ANXA3: variants seen among roughly 807,000 people sequenced by gnomAD.
ANXA3 encodes annexin A3.
A neutral mutation model predicts 48.8 loss-of-function variants in ANXA3; 46 were observed. That is an observed-to-expected ratio of 0.94 (90% CI 0.74 to 1.21). The LOEUF (loss-of-function observed/expected upper bound fraction) is 1.21. ANXA3 is among the 50% of genes most tolerant of loss of function. The pLI is 0.00. For missense variants in ANXA3, 383 were observed against 378.6 expected (o/e 1.01, Z -0.10); for synonymous variants, 128 against 134.7 (o/e 0.95, Z 0.35).
chr4:78,604,961 A>G (rs1723618692), intron 12 of ANXA3, among the ~76,000 whole-genome samples: 1 of 152,360 alleles, frequency 6.6e-6, no homozygotes, highest in Admixed American at 6.5e-5. Context: ...GTACGAGTGT[A>G]TCTTTGGGAT....
chr4:78,555,608 A>G (rs1722494045), intron 2 of ANXA3, among the ~76,000 whole-genome samples: 1 of 151,614 alleles, frequency 6.6e-6, no homozygotes, highest in African/African-American at 2.4e-5. Flanking sequence ...GGAGGCCAAG[A>G]TGGGAGGATC....
At chr4:78,574,431 A>T (rs1348969337) in intron 3 of ANXA3, among the ~76,000 whole-genome samples, 1 of 152,090 alleles carries the variant, frequency 6.6e-6, no homozygotes, top group Non-Finnish European at 1.5e-5. Flanking sequence ...AAAACAAAAC[A>T]ACAACAACAA....
chr4:78,595,150 A>T (rs1723391294), intron 7 of ANXA3, among the ~76,000 whole-genome samples: 1 of 152,102 alleles, frequency 6.6e-6, no homozygotes, highest in East Asian at 1.9e-4. Flanking sequence ...AAATATATAT[A>T]TATATGAATT....
intron 7 of ANXA3, among the ~76,000 whole-genome samples, chr4:78,594,587 T>C (rs1406237890): frequency 6.6e-6 from 1 of 152,234 alleles, no homozygotes; most frequent in African/African-American, 2.4e-5. Context: ...TCTAATAGGT[T>C]GTGTAGTGGC....
intron 7 of ANXA3, among the ~76,000 whole-genome samples, chr4:78,593,774 C>G (rs7686951): frequency 0.084 from 12,248 of 146,550 alleles, 815 homozygotes; most frequent in East Asian, 0.27. Flanking sequence ...GTAACTGGGA[C>G]CACAGGTGTA....
chr4:78,584,731 G>A (rs1182996809), intron 5 of ANXA3, among the ~76,000 whole-genome samples: 3 of 152,188 alleles, frequency 2.0e-5, no homozygotes, highest in Admixed American at 1.3e-4. Flanking sequence ...GAGGACATAT[G>A]GGCATCTGAG....
intron 4 of ANXA3, 117 bp from the exon 5 acceptor site, chr4:78,582,060 C>A: frequency 1.6e-6 from 1 of 619,102 alleles, no homozygotes; most frequent in Non-Finnish European, 2.9e-6. Flanking sequence ...CTGTTTATTC[C>A]CTGTGGATGG....
In ANXA3 at chr4:78,610,316, G is replaced by A; in HGVS notation, c.*201G>A. On this transcript the variant is annotated 3_prime_UTR_variant, in exon 13 of 13. Transcript: ENST00000264908. The stretch of plus-strand genomic sequence containing the variant: ...ATTTATAATGTAGCAGCTCATAAAT[G>A]AAATTGAAAATGGTATTAAAGATCT... 1 of 387,656 alleles carries A rather than the reference G, an allele frequency of 2.6e-6. No individual in the cohort carries two copies. The highest frequency in any genetic ancestry group is 4.6e-6 in the Non-Finnish European group (1 of 216,846). The allele number at this position is 387,656 out of a possible 1,614,324, so 24.0% of individuals were successfully genotyped here.
Position 78,610,159 on chromosome 4 carries a change from C to A in ANXA3, c.*44C>A. The A allele has an allele frequency of 7.2e-7, 1 of 1,382,066 alleles. No homozygotes were observed. Among genetic ancestry groups the A allele is most frequent in the Non-Finnish European group, 1.0e-6 (1 of 977,772 alleles). The allele number at this position is 1,382,066 out of a possible 1,614,324, so 85.6% of individuals were successfully genotyped here. On this transcript the variant is annotated 3_prime_UTR_variant, in exon 13 of 13. Transcript: ENST00000264908. Reference sequence around the variant, plus strand: ...AAAGGTCCACGATGGGCTTTCCCAACAGCTCCACCTTACTTCTTCTCATAC... The same window carrying A: ...AAAGGTCCACGATGGGCTTTCCCAAAAGCTCCACCTTACTTCTTCTCATAC...
intron 3 of ANXA3, among the ~76,000 whole-genome samples, chr4:78,573,522 C>G (rs1209494171): frequency 6.6e-6 from 1 of 152,172 alleles, no homozygotes; most frequent in East Asian, 1.9e-4. Flanking sequence ...GGGGGAATCT[C>G]AACCCTGGCT....
chr4:78,604,497 T>C (rs1723608767), intron 12 of ANXA3, 98 bp downstream of exon 12: 3 of 1,046,774 alleles, frequency 2.9e-6, no homozygotes, highest in South Asian at 3.8e-5. Context: ...TTGACTTAGA[T>C]TTCTCTCTCC....
intron 2 of ANXA3, among the ~76,000 whole-genome samples, chr4:78,557,288 G>A (rs934106648): frequency 6.6e-6 from 1 of 152,012 alleles, no homozygotes; most frequent in Non-Finnish European, 1.5e-5. Flanking sequence ...TCTTTCTGGG[G>A]GATCTCTTTT....
chr4:78,575,933 A>G (rs1202465245), intron 3 of ANXA3, among the ~76,000 whole-genome samples: 1 of 152,054 alleles, frequency 6.6e-6, no homozygotes, highest in Non-Finnish European at 1.5e-5. Context: ...ATTCTATTTC[A>G]TGTGGACATT....
intron 2 of ANXA3, among the ~76,000 whole-genome samples, chr4:78,560,061 A>G (rs1578390184): frequency 6.6e-6 from 1 of 152,158 alleles, no homozygotes; most frequent in Admixed American, 6.5e-5. Flanking sequence ...TCAGCCATCT[A>G]AAAGAGATGT....
chr4:78,588,743 T>C (rs1723229274), intron 6 of ANXA3, among the ~76,000 whole-genome samples: 1 of 152,190 alleles, frequency 6.6e-6, no homozygotes, highest in Admixed American at 6.5e-5. Context: ...CTGACATGAC[T>C]AGCCGTCAGA....
chr4:78,578,328 A>AGAGAGAGAGGGAGG (rs1723001936), intron 3 of ANXA3, among the ~76,000 whole-genome samples: 1 of 114,232 alleles, frequency 8.8e-6, no homozygotes, highest in Non-Finnish European at 1.7e-5. Flanking sequence ...AGAGAGAGAG[A>AGAGAGAGAGGGAGG]GAAAGGGAGG....
chr4:78,595,848 G>A lies in ANXA3; in HGVS notation c.595G>A (p.Glu199Lys). Residue 199 changes from glutamate to lysine, a missense_variant, in exon 9 of 13, where the codon GAG (glutamate) becomes AAG (lysine). Coordinates refer to ENST00000264908, the MANE Select transcript of ANXA3 (RefSeq NM_005139.3). The part of the protein sequence containing the change: ...RWGTDEDKFT[E>K]ILCLRSFPQL... ...GGGCACGGATGAAGACAAATTCACT[G>A]AGATCCTGTGTTTAAGGAGCTTTCC... 1.2e-6 allele frequency: 2 copies of A among 1,612,482 alleles called. No homozygotes were observed. The highest frequency in any genetic ancestry group is 1.7e-6 in the Non-Finnish European group (2 of 1,178,634).
chr4:78,595,473 A>G lies in ANXA3; in HGVS notation c.540+36A>G, dbSNP rs751328923. 8 of 1,606,458 alleles carry G rather than the reference A, an allele frequency of 5.0e-6. No homozygotes were observed. In the East Asian group the frequency reaches 1.1e-4, roughly 22 times the overall value. ...AAGCGGGAAAACATTTCCTTTACCT[A>G]TTCTCCTATGTGGCTGCCTTTGCAT... is the stretch of plus-strand genomic sequence containing the variant. On this transcript the variant is annotated intron_variant, in intron 8 of 12. Coordinates refer to ENST00000264908, the MANE Select transcript of ANXA3 (RefSeq NM_005139.3).
At chr4:78,573,018 A>G (rs1304077026) in intron 2 of ANXA3, 162 bp from the exon 3 acceptor site, 2 of 741,582 alleles carry the variant, frequency 2.7e-6, no homozygotes. Context: ...TCTTACTGTC[A>G]TAATTTTCCA....
Sources: allele counts gnomAD v4.1 joint callset (sites outside exome capture counted in the v4.1 genomes callset), GRCh38; gene constraint gnomAD v4.1.1; transcripts MANE v1.5; gene names NCBI Gene and HGNC (gene_info 2026-07-23, HGNC 2026-07-21).